Variants in ZNF385D observed in about 807,000 individuals in gnomAD.
The protein encoded by ZNF385D is zinc finger protein 385D, also known as zinc finger protein 659.
In ZNF385D, 15 loss-of-function variants were observed where a neutral mutation model predicts 35.8. The ratio of observed to expected loss-of-function variants is 0.42; its 90% CI spans 0.28 to 0.64. The LOEUF (loss-of-function observed/expected upper bound fraction) is 0.64. Ranked by LOEUF, ZNF385D falls within the 30% of genes least tolerant of loss-of-function variation. The pLI, the probability that ZNF385D is intolerant of heterozygous loss-of-function variation, is 0.23. For synonymous variants in ZNF385D, 212 were observed against 186.8 expected, an observed-to-expected ratio of 1.13 and a Z score of -1.10; for missense variants, 474 against 494.6, an observed-to-expected ratio of 0.96 and a Z score of 0.39.
chr3:21,921,534 G>T (rs548198640), intron 3 of ZNF385D, among the ~76,000 whole-genome samples: 1 of 151,966 alleles, frequency 6.6e-6, no homozygotes. Context: ...TGATATCAAA[G>T]CAATCAATAG....
intron 3 of ZNF385D, among the ~76,000 whole-genome samples, chr3:21,965,059 A>G (rs1702835640): frequency 6.6e-6 from 1 of 152,216 alleles, no homozygotes; most frequent in African/African-American, 2.4e-5. Context: ...AGAATCAGAA[A>G]GCACAATGCC....
chr3:22,235,404 G>T (rs972379055), intron 2 of ZNF385D, among the ~76,000 whole-genome samples: 1 of 152,030 alleles, frequency 6.6e-6, no homozygotes. Flanking sequence ...AGGGAAAGAC[G>T]ACATTTATTT....
At chr3:22,001,422 C>T (rs192625866) in intron 3 of ZNF385D, among the ~76,000 whole-genome samples, 8 of 152,140 alleles carry the variant, frequency 5.3e-5, no homozygotes, top group Non-Finnish European at 8.8e-5. Context: ...GAGATCAATT[C>T]ATCAAGAAGA....
intron 3 of ZNF385D, among the ~76,000 whole-genome samples, chr3:21,535,250 T>A (rs372910371): frequency 6.6e-5 from 10 of 152,280 alleles, no homozygotes; most frequent in African/African-American, 2.4e-4. Flanking sequence ...TAAAGCCTTT[T>A]TCTTTTTCCT....
intron 4 of ZNF385D, among the ~76,000 whole-genome samples, chr3:21,489,505 G>T (rs1412016467): frequency 6.6e-6 from 1 of 152,138 alleles, no homozygotes; most frequent in Non-Finnish European, 1.5e-5. Flanking sequence ...AAAAATGAAA[G>T]AAGTTAGGGG....
At chr3:22,075,215 G>T (rs890241475) in intron 3 of ZNF385D, among the ~76,000 whole-genome samples, 1 of 151,710 alleles carries the variant, frequency 6.6e-6, no homozygotes, top group African/African-American at 2.4e-5. Context: ...CTATGTTTTT[G>T]ATCTCATTCC....
At chr3:21,686,593 T>C (rs1432712433) in intron 1 of ZNF385D, among the ~76,000 whole-genome samples, 1 of 152,162 alleles carries the variant, frequency 6.6e-6, no homozygotes, top group Non-Finnish European at 1.5e-5. Context: ...TAAAGGAATA[T>C]TTTACACTCT....
chr3:22,108,418 G>A (rs765059070), intron 3 of ZNF385D, among the ~76,000 whole-genome samples: 19 of 151,808 alleles, frequency 1.3e-4, no homozygotes, highest in Non-Finnish European at 2.1e-4. Context: ...TAAGAGGAAA[G>A]AAGTAAGGGT....
intron 2 of ZNF385D, among the ~76,000 whole-genome samples, chr3:22,340,038 TCAGA>T (rs1247614280): frequency 6.6e-6 from 1 of 152,174 alleles, no homozygotes. Flanking sequence ...TTCATAAAAC[TCAGA>T]CATTTTCATA....
chr3:21,677,455 T>C (rs961150014), intron 1 of ZNF385D, among the ~76,000 whole-genome samples: 1 of 152,042 alleles, frequency 6.6e-6, no homozygotes, highest in African/African-American at 2.4e-5. Flanking sequence ...GAGCCAGAAT[T>C]AACTAACTAA....
chr3:21,794,518 G>T (rs1426178142), intron 3 of ZNF385D, among the ~76,000 whole-genome samples: 1 of 152,112 alleles, frequency 6.6e-6, no homozygotes, highest in Admixed American at 6.6e-5. Context: ...CTAAAGAATG[G>T]ATGCCCAAGA....
intron 3 of ZNF385D, among the ~76,000 whole-genome samples, chr3:22,110,466 T>G (rs1254239740): frequency 5.9e-5 from 9 of 152,016 alleles, no homozygotes; most frequent in South Asian, 4.1e-4. Context: ...CCATAAAAAA[T>G]GATGAGTTCA....
At chr3:22,324,489 A>G (rs191422087) in intron 2 of ZNF385D, among the ~76,000 whole-genome samples, 1 of 152,176 alleles carries the variant, frequency 6.6e-6, no homozygotes, top group Non-Finnish European at 1.5e-5. Flanking sequence ...TATAAATAAC[A>G]GAAATATGCA....
chr3:21,622,232 T>C (rs2065028192), intron 2 of ZNF385D, among the ~76,000 whole-genome samples: 1 of 152,110 alleles, frequency 6.6e-6, no homozygotes, highest in Non-Finnish European at 1.5e-5. Flanking sequence ...AAAATAAAAC[T>C]TCAAAAAGAA....
intron 4 of ZNF385D, among the ~76,000 whole-genome samples, chr3:21,461,408 C>T (rs942201160): frequency 1.3e-5 from 2 of 151,870 alleles, no homozygotes; most frequent in Admixed American, 6.6e-5. Context: ...ATTAGCTGGG[C>T]GTCGTGGTGG....
rs527730667 is a variant in ZNF385D, at chr3:22,076,710, C to G, written c.325+92107G>C. Among the ~76,000 whole-genome samples the G allele has an allele frequency of 7.9e-5, 12 of 152,036 alleles. No homozygotes were observed. In the East Asian group the frequency reaches 2.3e-3, roughly 29 times the overall value. On this transcript the variant is annotated intron_variant, in intron 3 of 5. Transcript: ENST00000494108. ...GTGATCAATACTTGTTTTTTAATGT[C>G]TGCATTTTATATTCGGGTTAGGATT...
chr3:22,307,822 T>C (rs1325465469), intron 2 of ZNF385D, among the ~76,000 whole-genome samples: 1 of 151,776 alleles, frequency 6.6e-6, no homozygotes, highest in Admixed American at 6.6e-5. Flanking sequence ...ATAAGACATA[T>C]GAAGCAACAA....
rs545359417 is a variant in ZNF385D at position 21,727,045 on chromosome 3, A to G, written c.22+23850T>C. On this transcript the variant is annotated intron_variant, in intron 1 of 7. Coordinates refer to ENST00000281523, the MANE Select transcript of ZNF385D (RefSeq NM_024697.3). The stretch of plus-strand genomic sequence containing the variant: ...CATCTACAGCCATCTGATCTTTGAC[A>G]AACTTGACACAAAGAAGCAATGGGA... Among the ~76,000 whole-genome samples, 3 of 152,340 alleles carry G rather than the reference A, an allele frequency of 2.0e-5. No homozygotes were observed. In the South Asian group the frequency reaches 6.2e-4, roughly 32 times the overall value.
At chr3:21,961,597 A>G (rs544464023) in intron 3 of ZNF385D, 8 of 152,182 alleles carry the variant, frequency 5.3e-5, no homozygotes, top group Non-Finnish European at 1.2e-4. Flanking sequence ...TTATTTTTAT[A>G]GAACATTAAA....
Sources: allele counts gnomAD v4.1 joint callset (sites outside exome capture counted in the v4.1 genomes callset), GRCh38; gene constraint gnomAD v4.1.1; transcripts MANE v1.5; gene names NCBI Gene and HGNC (gene_info 2026-07-23, HGNC 2026-07-21).